MAML2: variants seen among roughly 807,000 people sequenced by gnomAD.
MAML2 encodes the protein mastermind-like protein 2.
A neutral mutation model predicts 96.1 loss-of-function variants in MAML2; 22 were observed. The ratio of observed to expected loss-of-function variants is 0.23; its 90% confidence interval spans 0.16 to 0.33. MAML2 has a LOEUF of 0.33. MAML2 is among the 10% of genes least tolerant of loss of function. MAML2 has a pLI of 1.00. For synonymous variants in MAML2, 561 were observed against 521.3 expected, an observed-to-expected ratio of 1.08 and a Z score of -1.04; for missense variants, 1,367 against 1,392.4, an observed-to-expected ratio of 0.98 and a Z score of 0.29.
intron 1 of MAML2, among the ~76,000 whole-genome samples, chr11:96,221,373 TG>T (rs1340507943): frequency 6.6e-6 from 1 of 152,142 alleles, no homozygotes; most frequent in Non-Finnish European, 1.5e-5. Flanking sequence ...TCCTGTAGTG[TG>T]GGGTTTGTCT....
At chr11:96,132,143 T>C (rs1860557833) in intron 1 of MAML2, among the ~76,000 whole-genome samples, 1 of 152,242 alleles carries the variant, frequency 6.6e-6, no homozygotes, top group Non-Finnish European at 1.5e-5. Context: ...ACATATTTTG[T>C]TCTCACCCAT....
intron 1 of MAML2, among the ~76,000 whole-genome samples, chr11:96,217,441 T>A (rs1297366467): frequency 1.3e-5 from 2 of 152,230 alleles, no homozygotes; most frequent in African/African-American, 2.4e-5. Context: ...GTCAGTAGAC[T>A]CTATGAGACA....
At chr11:96,177,687 G>C (rs1449097432) in intron 1 of MAML2, among the ~76,000 whole-genome samples, 2 of 152,090 alleles carry the variant, frequency 1.3e-5, no homozygotes, top group Non-Finnish European at 2.9e-5. Flanking sequence ...CTTTGTGTCT[G>C]ACCTAAACAT....
At chr11:96,302,168 T>A (rs1030808118) in intron 1 of MAML2, among the ~76,000 whole-genome samples, 37 of 152,248 alleles carry the variant, frequency 2.4e-4, no homozygotes, top group Non-Finnish European at 5.9e-5. Context: ...ATATTTGTTT[T>A]CATGCTATGC....
chr11:96,314,247 C>A (rs1450369143), intron 1 of MAML2, among the ~76,000 whole-genome samples: 1 of 152,158 alleles, frequency 6.6e-6, no homozygotes, highest in South Asian at 2.1e-4. Flanking sequence ...TCACAGGTGG[C>A]CTCTTGGCCT....
intron 2 of MAML2, among the ~76,000 whole-genome samples, chr11:96,046,054 C>T (rs1429344082): frequency 6.6e-6 from 1 of 152,162 alleles, no homozygotes; most frequent in Non-Finnish European, 1.5e-5. Flanking sequence ...TTCTCCTTCA[C>T]TTGCCTCCTG....
intron 1 of MAML2, among the ~76,000 whole-genome samples, chr11:96,268,007 G>A (rs192968922): frequency 5.3e-5 from 8 of 152,312 alleles, no homozygotes; most frequent in African/African-American, 1.7e-4. Context: ...CATGACTCTG[G>A]AAACATGGAG....
Position 96,308,482 on chromosome 11 carries a change from A to G in MAML2, c.513+32901T>C, listed in dbSNP as rs183280946. 1.1e-3 allele frequency among the ~76,000 whole-genome samples: 171 copies of G among 152,328 alleles called. 2 individuals carry two copies. In the East Asian group the frequency reaches 0.03, roughly 27 times the overall value. The stretch of plus-strand genomic sequence containing the variant: ...CTGACATCAACTTTTCACTTACTGC[A>G]TACCTGATTATGTTTTATTCTTTAT... On this transcript the variant is annotated intron_variant, in intron 1 of 4. Transcript: ENST00000524717.
At chr11:96,142,342 T>C (rs1418768059) in intron 1 of MAML2, among the ~76,000 whole-genome samples, 1 of 152,200 alleles carries the variant, frequency 6.6e-6, no homozygotes, top group African/African-American at 2.4e-5. Context: ...ATCTGAATGA[T>C]GGAAGAATTA....
At chr11:96,017,718 G>A (rs1858376621) in intron 2 of MAML2, among the ~76,000 whole-genome samples, 1 of 152,058 alleles carries the variant, frequency 6.6e-6, no homozygotes, top group Non-Finnish European at 1.5e-5. Flanking sequence ...GTGCACAGTG[G>A]AGGGATTTCA....
chr11:96,202,757 T>G (rs1478460178), intron 1 of MAML2, among the ~76,000 whole-genome samples: 1 of 151,820 alleles, frequency 6.6e-6, no homozygotes, highest in Non-Finnish European at 1.5e-5. Context: ...GCCTCCCGAG[T>G]AGCTGGGATT....
chr11:95,978,808 C>T lies in MAML2; in HGVS notation c.*140G>A. 4 of 753,472 alleles carry T rather than the reference C, an allele frequency of 5.3e-6. No individual in the cohort carries two copies. In the South Asian group the frequency reaches 6.0e-5, roughly 11 times the overall value. 46.7% of individuals were successfully genotyped at this position (753,472 alleles called of 1,614,324 possible). On this transcript the variant is annotated 3_prime_UTR_variant, in exon 5 of 5. Coordinates refer to ENST00000524717, the MANE Select transcript of MAML2 (RefSeq NM_032427.4). The stretch of plus-strand genomic sequence containing the variant: ...ATTTGGACCAAAATGTTCATCACTG[C>T]AGTTACTTTCTGCTTTCCATTTTTA...
At chr11:96,012,604 A>C (rs1858283910) in intron 2 of MAML2, among the ~76,000 whole-genome samples, 1 of 152,216 alleles carries the variant, frequency 6.6e-6, no homozygotes, top group South Asian at 2.1e-4. Flanking sequence ...GTATGAACAT[A>C]ATAAGCCGTT....
At chr11:96,212,140 T>TGC in intron 1 of MAML2, among the ~76,000 whole-genome samples, 1 of 148,334 alleles carries the variant, frequency 6.7e-6, no homozygotes. Flanking sequence ...TGTGTGTGTG[T>TGC]GTGTGTGTGT....
chr11:96,211,663 T>C (rs182215631), intron 1 of MAML2, among the ~76,000 whole-genome samples: 2 of 152,196 alleles, frequency 1.3e-5, no homozygotes, highest in East Asian at 3.9e-4. Flanking sequence ...TGAGGAAATG[T>C]GACAAGTTTA....
chr11:96,220,836 GA>G (rs558428530), intron 1 of MAML2, among the ~76,000 whole-genome samples: 14 of 149,620 alleles, frequency 9.4e-5, no homozygotes, highest in African/African-American at 2.5e-4. Flanking sequence ...TATAAAAAGT[GA>G]AAAAAAAAGC....
In MAML2 at chr11:96,107,770, G is replaced by A. The variant is rs888339896; in HGVS notation, c.514-14253C>T. 5.3e-5 allele frequency among the ~76,000 whole-genome samples: 8 copies of A among 152,186 alleles called. No homozygotes were observed. The South Asian group carries it at 8.3e-4, about 16-fold the overall frequency. On this transcript the variant is annotated intron_variant, in intron 1 of 4. Transcript: ENST00000524717. ...TAATCAACCACGTCTATGTAATGAG[G>A]CTTCCATAAAAATCCAAAAGGACAG...
intron 1 of MAML2, among the ~76,000 whole-genome samples, chr11:96,184,137 G>T (rs1861534962): frequency 1.3e-5 from 2 of 152,134 alleles, no homozygotes; most frequent in Non-Finnish European, 2.9e-5. Context: ...GCCCTAAAAA[G>T]CAACATTAGA....
At chr11:96,242,449 A>G (rs1862449529) in intron 1 of MAML2, among the ~76,000 whole-genome samples, 1 of 152,232 alleles carries the variant, frequency 6.6e-6, no homozygotes, top group Non-Finnish European at 1.5e-5. Context: ...GATTTCCTTA[A>G]GGCTGTAAAT....
Sources: allele counts gnomAD v4.1 joint callset (sites outside exome capture counted in the v4.1 genomes callset), GRCh38; gene constraint gnomAD v4.1.1; transcripts MANE v1.5; gene names NCBI Gene and HGNC (gene_info 2026-07-23, HGNC 2026-07-21).